MYO15A: variants seen among roughly 807,000 people sequenced by gnomAD.
MYO15A encodes unconventional myosin-XV.
A neutral mutation model predicts 394.6 loss-of-function variants in MYO15A; 308 were observed. The ratio of observed to expected loss-of-function variants is 0.78; its 90% CI spans 0.71 to 0.86. The LOEUF (loss-of-function observed/expected upper bound fraction) is 0.86. Among genes scored for constraint, MYO15A ranks in the 40% least tolerant of loss-of-function variants. The probability of loss-of-function intolerance (pLI) is 0.00; values close to 1 mark genes in which losing one functional copy is unlikely to be tolerated. For missense variants in MYO15A, 4,606 were observed against 4,799.1 expected, an observed-to-expected ratio of 0.96 and a Z score of 1.19; for synonymous variants, 1,957 against 2,003.8, an observed-to-expected ratio of 0.98 and a Z score of 0.62.
At chr17:18,133,076 G>A (rs1240887003) in intron 11 of MYO15A, 149 bp from the exon 12 acceptor site, 5 of 788,706 alleles carry the variant, frequency 6.3e-6, no homozygotes, top group African/African-American at 1.7e-5. Context: ...GTCCTCAGCC[G>A]TGCTCAGAGC....
At position 18,132,220 on chromosome 17, in the gene MYO15A, A is replaced by G. The variant is rs1028628448; in HGVS notation, c.4207-233A>G. 6.6e-6 allele frequency among the ~76,000 whole-genome samples: 1 copy of G among 152,186 alleles called. No homozygotes were observed. Among genetic ancestry groups the G allele is most frequent in the Non-Finnish European group, 1.5e-5 (1 of 68,032 alleles). On this transcript the variant is annotated intron_variant, in intron 10 of 65. Transcript: ENST00000647165. This position sits in a 1 kb window ranked among gnomAD's most constrained non-coding sequence, Gnocchi z 4.6. ...CTTTTCTCTTATTTCTCCTAACCAAATAAAATCCCACCAGAACCCTCTCAA... is the reference window on the plus strand; with the variant it reads ...CTTTTCTCTTATTTCTCCTAACCAAGTAAAATCCCACCAGAACCCTCTCAA...
chr17:18,120,905 C>A lies in MYO15A; in HGVS notation c.2105C>A (p.Pro702Gln). 1.4e-6 allele frequency: 2 copies of A among 1,411,378 alleles called. No individual in the cohort carries two copies. Among genetic ancestry groups the A allele is most frequent in the African/African-American group, 1.5e-5 (1 of 65,824 alleles). 87.4% of individuals were successfully genotyped at this position (1,411,378 alleles called of 1,614,324 possible). A position where few individuals can be genotyped will look rare whatever the true frequency, so the allele number is the denominator to read the frequency against. ...SPYGSLRRHP[P>Q]PWAAPAHVPP... ...TACGGCTCCCTCCGCCGCCACCCGC[C>A]GCCCTGGGCCGCCCCAGCGCACGTG... Residue 702 changes from proline to glutamine, a missense_variant, in exon 2 of 66, where the codon CCG becomes CAG. Transcript: ENST00000647165.
chr17:18,152,837 CCTT>C, intron 42 of MYO15A, among the ~76,000 whole-genome samples: 1 of 152,308 alleles, frequency 6.6e-6, no homozygotes, highest in Non-Finnish European at 1.5e-5. Context: ...ATGCCTGGCT[CCTT>C]CTCACCATTC....
chr17:18,136,416 GGAGACAATGCGA>G lies in MYO15A; in HGVS notation c.4601_4612del (p.Thr1534_Glu1537del). On this transcript the variant is annotated inframe_deletion and splice_region_variant, in exon 14 of 66. Coordinates refer to ENST00000647165, the MANE Select transcript of MYO15A (RefSeq NM_016239.4). ...CACTCAAGGGCTGTGCCCGTCCCTA[GGAGACAATGCGA>G]GAGAAGATCTTCACGCCCCTAACTG... 1 of 1,613,726 alleles carries G rather than the reference GGAGACAATGCGA, an allele frequency of 6.2e-7. No individual in the cohort carries two copies. Among genetic ancestry groups the G allele is most frequent in the East Asian group, 2.2e-5 (1 of 44,890 alleles).
At chr17:18,173,243 A>G (rs566517433) in intron 64 of MYO15A, among the ~76,000 whole-genome samples, 1 of 152,256 alleles carries the variant, frequency 6.6e-6, no homozygotes, top group South Asian at 2.1e-4. Flanking sequence ...TTAACTCTCT[A>G]TCACTCTGAC....
intron 1 of MYO15A, chr17:18,109,134 A>G (rs1597737538): frequency 6.6e-6 from 1 of 152,370 alleles, no homozygotes; most frequent in Admixed American, 6.5e-5. Context: ...GGCCATTCCC[A>G]CTTCCACTTT....
rs921587877 is a variant in MYO15A at position 18,160,072 on chromosome 17, G to A, written c.9386+55G>A. ...CCCTCACTGTGTCCATGCTCCAGGAGGGACCAGTTCAGCCTCCCACCTCCT... is the reference window on the plus strand; with the variant it reads ...CCCTCACTGTGTCCATGCTCCAGGAAGGACCAGTTCAGCCTCCCACCTCCT... On this transcript the variant is annotated intron_variant, in intron 56 of 65. Coordinates refer to ENST00000647165, the MANE Select transcript of MYO15A (RefSeq NM_016239.4). 4 of 1,562,604 alleles carry A rather than the reference G, an allele frequency of 2.6e-6. No individual in the cohort carries two copies. In the African/African-American group the frequency reaches 4.0e-5, roughly 16 times the overall value.
chr17:18,149,306 G>A lies in MYO15A; in HGVS notation c.7047G>A (p.Gly2349=), dbSNP rs1567651019. The A allele has an allele frequency of 1.2e-6, 2 of 1,612,962 alleles. No individual in the cohort carries two copies. The highest frequency in any genetic ancestry group is 1.7e-6 in the Non-Finnish European group (2 of 1,179,398). The change falls in exon 34 of 66, where the codon GGG becomes GGA. Residue 2349 remains glycine (G), a synonymous_variant. Coordinates refer to ENST00000647165, the MANE Select transcript of MYO15A (RefSeq NM_016239.4). The part of the protein sequence containing the change: ...EHMPKVLDSD[G]YSSHNQDGTN... ...TGCCCAAAGTACTTGACTCTGATGG[G>A]TACAGCAGCCACAATCAGGACGGTA...
At chr17:18,134,946 T>A (rs544056624) in intron 12 of MYO15A, among the ~76,000 whole-genome samples, 1 of 152,304 alleles carries the variant, frequency 6.6e-6, no homozygotes, top group Non-Finnish European at 1.5e-5. Context: ...AGTGGCACTT[T>A]CATAGCTCAC....
At chr17:18,134,155 A>G (rs1337814761) in intron 12 of MYO15A, among the ~76,000 whole-genome samples, 2 of 151,130 alleles carry the variant, frequency 1.3e-5, no homozygotes, top group South Asian at 4.2e-4. Context: ...ACATCCAGCT[A>G]ATTTTTGTAT....
Position 18,122,224 on chromosome 17 carries a change from A to C in MYO15A, c.3424A>C (p.Ile1142Leu), listed in dbSNP as rs761946533. 1 of 1,613,152 alleles carries C rather than the reference A, an allele frequency of 6.2e-7. No individual in the cohort carries two copies. Among genetic ancestry groups the C allele is most frequent in the Non-Finnish European group, 8.5e-7 (1 of 1,180,006 alleles). ...AACCCTGAAGCCTCAAGTCCAGCCC[A>C]TTCAGGACCCCAAGCCAAGAGCCTG... ...PATLKPQVQP[I>L]QDPKPRACSL... The change falls in exon 2 of 66, where the codon ATT (isoleucine) becomes CTT (leucine). Residue 1142 changes from isoleucine to leucine, a missense_variant. Ile to Leu is a conservative substitution (Grantham distance 5, BLOSUM62 2). Coordinates refer to ENST00000647165, the MANE Select transcript of MYO15A (RefSeq NM_016239.4).
At chr17:18,129,100 A>G (rs905506633) in intron 7 of MYO15A, among the ~76,000 whole-genome samples, 1 of 152,232 alleles carries the variant, frequency 6.6e-6, no homozygotes, top group Admixed American at 6.5e-5. Context: ...CCTATTGGTC[A>G]GCAAGCTGGC....
chr17:18,122,572 A>G lies in MYO15A; in HGVS notation c.3609+163A>G, dbSNP rs1166810406. 21 of 1,107,232 alleles carry G rather than the reference A, an allele frequency of 1.9e-5. No homozygotes were observed. The East Asian group carries it at 5.2e-4, about 28-fold the overall frequency. The allele number at this position is 1,107,232 out of a possible 1,614,324, so 68.6% of individuals were successfully genotyped here. A position where few individuals can be genotyped will look rare whatever the true frequency, so the allele number is the denominator to read the frequency against. ...GGGAGAACAGCCTGGACCTCCCAGA[A>G]CCTCTGGAGGGTTGAACAAGGGGAT... On this transcript the variant is annotated intron_variant, in intron 2 of 65. Coordinates refer to ENST00000647165, the MANE Select transcript of MYO15A (RefSeq NM_016239.4).
chr17:18,130,712 C>A, intron 7 of MYO15A, 93 bp from the exon 8 acceptor site: 1 of 1,605,592 alleles, frequency 6.2e-7, no homozygotes. Context: ...TCTGAGGCTC[C>A]TAGTCTCCTG....
At position 18,143,991 on chromosome 17, in the gene MYO15A, C is replaced by T; in HGVS notation, c.6168C>T (p.Cys2056=). 3 of 1,613,486 alleles carry T rather than the reference C, an allele frequency of 1.9e-6. No homozygotes were observed. In the East Asian group the frequency reaches 6.7e-5, roughly 36 times the overall value. The change falls in exon 28 of 66, where the codon TGC becomes TGT. Residue 2056 remains cysteine, a synonymous_variant. Transcript: ENST00000647165. The part of the protein sequence containing the change: ...NNYPMAKFVQ[C]HFKEPAFGML... ...ATCCTATGGCCAAGTTTGTCCAGTG[C>T]CACTTCAAGGTAAGGGCTAGCTGAA... is the stretch of plus-strand genomic sequence containing the variant.
At chr17:18,126,553 A>G in intron 5 of MYO15A, 97 bp downstream of exon 5, 1 of 1,245,480 alleles carries the variant, frequency 8.0e-7, no homozygotes, top group Non-Finnish European at 1.1e-6. Flanking sequence ...CATGAGTCAG[A>G]GGTAATGGGG....
At chr17:18,126,549 T>A in intron 5 of MYO15A, 93 bp downstream of exon 5, 2 of 1,258,256 alleles carry the variant, frequency 1.6e-6, no homozygotes, top group Non-Finnish European at 2.3e-6. Context: ...GAGCCATGAG[T>A]CAGAGGTAAT....
intron 62 of MYO15A, among the ~76,000 whole-genome samples, chr17:18,169,212 C>T (rs146765527): frequency 4.6e-5 from 7 of 150,904 alleles, no homozygotes; most frequent in Non-Finnish European, 8.8e-5. Context: ...TTTGGGAGGT[C>T]GAGGTGCGTG....
chr17:18,150,712 G>T lies in MYO15A; in HGVS notation c.7342G>T (p.Ala2448Ser). ...PEPKPIPGLD[A>S]STLALQQAFI... is the part of the protein sequence containing the mutation. ...CCTCCCCTCAGTCCCAGGCCTGGAT[G>T]CCTCCACATTGGCTCTGCAGCAAGC... Residue 2448 changes from alanine (A) to serine (S), a missense_variant, in exon 37 of 66, where the codon GCC becomes TCC. By Grantham distance (99) the Ala-to-Ser change is moderately conservative (BLOSUM62 1). Transcript: ENST00000647165. This position sits in a 1 kb window ranked among gnomAD's most constrained non-coding sequence, Gnocchi z 4.4. 2 of 1,589,818 alleles carry T rather than the reference G, an allele frequency of 1.3e-6. No homozygotes were observed. The highest frequency in any genetic ancestry group is 2.3e-5 in the East Asian group (1 of 43,632).
Sources: allele counts gnomAD v4.1 joint callset (sites outside exome capture counted in the v4.1 genomes callset), GRCh38; gene constraint gnomAD v4.1.1; non-coding constraint Gnocchi (gnomAD v3.1); transcripts MANE v1.5; gene names NCBI Gene and HGNC (gene_info 2026-07-23, HGNC 2026-07-21).